Variants in C17orf75 observed in about 807,000 individuals in gnomAD.
The protein encoded by C17orf75 is chromosome 17 open reading frame 75.
In C17orf75, 32 loss-of-function variants were observed where a neutral mutation model predicts 49.6. The observed-to-expected ratio is 0.65, with a 90% CI of 0.49 to 0.87. The LOEUF (loss-of-function observed/expected upper bound fraction) is 0.87. Ranked by LOEUF, C17orf75 falls within the 40% of genes least tolerant of loss-of-function variation. The pLI is 0.00. For missense variants in C17orf75, 428 were observed against 473.9 expected (o/e 0.90, Z 0.90); for synonymous variants, 158 against 159.5 (o/e 0.99, Z 0.07).
chr17:32,331,712 A>G lies in C17orf75; in HGVS notation c.*51T>C. The G allele has an allele frequency of 1.4e-6, 2 of 1,434,886 alleles. No homozygotes were observed. Among genetic ancestry groups the G allele is most frequent in the Non-Finnish European group, 2.0e-6 (2 of 1,021,374 alleles). 88.9% of individuals were successfully genotyped at this position (1,434,886 alleles called of 1,614,324 possible). A position where few individuals can be genotyped will look rare whatever the true frequency, so the allele number is the denominator to read the frequency against. ...AACAATTATAACTGCAATTTCAAAC[A>G]CTAAGACTTAAATATACAACTTGAT... On this transcript the variant is annotated 3_prime_UTR_variant, in exon 10 of 10. Coordinates refer to ENST00000577809, the MANE Select transcript of C17orf75 (RefSeq NM_022344.4).
rs774272514 is a variant in C17orf75 at position 32,338,286 on chromosome 17, G to C, written c.413C>G (p.Thr138Arg). ...GTTACGTTCAGAGTCTATCGTTACT[G>C]TTTCAGGAAGCAGTTTTTCATTTTG... ...LFQNEKLLPE[T>R]VTIDSERNPS... is the part of the protein sequence containing the mutation. Residue 138 changes from threonine (T) to arginine (R), a missense_variant, in exon 4 of 10, where the codon ACA becomes AGA. Physicochemically the swap from Thr to Arg is moderately conservative, Grantham distance 71 (BLOSUM62 -1). Transcript: ENST00000577809. 1 of 1,612,328 alleles carries C rather than the reference G, an allele frequency of 6.2e-7. No homozygotes were observed. Among genetic ancestry groups the C allele is most frequent in the Non-Finnish European group, 8.5e-7 (1 of 1,179,446 alleles).
chr17:32,345,149 T>G (rs2041415627), upstream of C17orf75, among the ~76,000 whole-genome samples: 1 of 152,066 alleles, frequency 6.6e-6, no homozygotes, highest in African/African-American at 2.4e-5. Flanking sequence ...ACGTCTTTAT[T>G]GTATTTTCAC....
At chr17:32,333,562 C>G in intron 8 of C17orf75, 42 bp from the exon 9 acceptor site, 1 of 1,499,202 alleles carries the variant, frequency 6.7e-7, no homozygotes, top group South Asian at 1.2e-5. Flanking sequence ...TGAAATTTTA[C>G]AAAGCTTTAT....
upstream of C17orf75, chr17:32,343,976 A>G (rs999433706): frequency 2.9e-6 from 2 of 683,606 alleles, no homozygotes; most frequent in African/African-American, 1.8e-5. Flanking sequence ...ATCGGGGTTC[A>G]TATACAAATT....
intron 5 of C17orf75, 44 bp downstream of exon 5, chr17:32,337,853 G>A (rs1377361078): frequency 6.5e-7 from 1 of 1,550,066 alleles, no homozygotes; most frequent in Non-Finnish European, 8.8e-7. Flanking sequence ...CACTGAGCCT[G>A]GCCCCATTTC....
intron 1 of C17orf75, among the ~76,000 whole-genome samples, chr17:32,348,469 AAAT>A (rs1169079268): frequency 6.6e-6 from 1 of 152,222 alleles, no homozygotes; most frequent in Non-Finnish European, 1.5e-5. Flanking sequence ...AGGCTGAGAC[AAAT>A]AATGTTAAAA....
rs2095888690 is a variant in C17orf75, at chr17:32,333,398, C to A, written c.975+19G>T. The A allele has an allele frequency of 1.9e-6, 3 of 1,569,226 alleles. No homozygotes were observed. The highest frequency in any genetic ancestry group is 2.6e-6 in the Non-Finnish European group (3 of 1,151,368). ...GACAAAAATTTCATGTGGCACTTGG[C>A]ACACAGCCAACTAATTACCTTTAGT... On this transcript the variant is annotated intron_variant, in intron 9 of 9. Transcript: ENST00000577809.
At chr17:32,349,981 T>TC in exon 1 of C17orf75, 1 of 1,243,512 alleles carries the variant, frequency 8.0e-7, no homozygotes, top group South Asian at 2.0e-5. Flanking sequence ...CCCAAAGTGC[T>TC]CCGCAAGCAC....
At chr17:32,332,921 T>C (rs903542861) in intron 9 of C17orf75, among the ~76,000 whole-genome samples, 3 of 152,166 alleles carry the variant, frequency 2.0e-5, no homozygotes, top group African/African-American at 7.2e-5. Flanking sequence ...GCAATTTTCG[T>C]GCCTCAGCCA....
At chr17:32,338,149 T>A in intron 4 of C17orf75, 59 bp downstream of exon 4, 18 of 1,589,168 alleles carry the variant, frequency 1.1e-5, no homozygotes, top group Non-Finnish European at 1.5e-5. Context: ...AGTAATATTC[T>A]TCCACCTGCC....
chr17:32,338,079 C>T, intron 4 of C17orf75, 125 bp from the exon 5 acceptor site: 1 of 1,513,452 alleles, frequency 6.6e-7, no homozygotes, highest in Non-Finnish European at 9.1e-7. Context: ...AAAATGGCCA[C>T]ATGAAGGTAT....
chr17:32,347,202 C>T (rs1263527553), upstream of C17orf75, among the ~76,000 whole-genome samples: 1 of 152,198 alleles, frequency 6.6e-6, no homozygotes, highest in African/African-American at 2.4e-5. Flanking sequence ...CTCAGGTGAT[C>T]AACCCACATC....
At position 32,342,147 on chromosome 17, in the gene C17orf75, G is replaced by C; in HGVS notation, c.-8C>G. The C allele has an allele frequency of 6.3e-7, 1 of 1,591,914 alleles. No homozygotes were observed. Among genetic ancestry groups the C allele is most frequent in the Non-Finnish European group, 8.5e-7 (1 of 1,170,662 alleles). ...CTGCAAAGAGGGGAGCATTGCGGCG[G>C]CCTCTGAGCGGCCCTGTGTCTCCGC... is the stretch of plus-strand genomic sequence containing the variant. On this transcript the variant is annotated 5_prime_UTR_variant, in exon 1 of 10. Coordinates refer to ENST00000577809, the MANE Select transcript of C17orf75 (RefSeq NM_022344.4).
rs202086475 is a variant in C17orf75, at chr17:32,341,240, C to A, written c.185G>T (p.Gly62Val). 1.2e-6 allele frequency: 2 copies of A among 1,613,912 alleles called. No individual in the cohort carries two copies. The highest frequency in any genetic ancestry group is 1.1e-5 in the South Asian group (1 of 91,080). ...ACCAGAGGGAGTTTCTGCATTTGTG[C>A]CACTTGGGCTTCCGTCCTCACTGTC... is the stretch of plus-strand genomic sequence containing the variant. ...RGDSEDGSPS[G>V]TNAETPSGDD... Residue 62 changes from glycine to valine, a missense_variant, in exon 2 of 10, where the codon GGC (glycine) becomes GTC (valine). Transcript: ENST00000577809.
At chr17:32,341,795 G>A (rs2041381881) in intron 1 of C17orf75, 1 of 1,055,486 alleles carries the variant, frequency 9.5e-7, no homozygotes, top group Non-Finnish European at 1.1e-6. Context: ...GTTGGGCCAG[G>A]CATACAAGTC....
In C17orf75 at chr17:32,331,987, T is replaced by A. The variant is rs1019152; in HGVS notation, c.976-9A>T. 0.78 allele frequency: 1,240,313 copies of A among 1,598,018 alleles called. 483,249 individuals carry two copies. Among genetic ancestry groups the A allele is most frequent in the African/African-American group, 0.95 (70,921 of 74,526 alleles). ...TTTGTGTCTTGTATGGCCTAGAAAA[T>A]GATTACCCAGTTAAAAATGTGTTAA... is the stretch of plus-strand genomic sequence containing the variant. On this transcript the variant is annotated splice_polypyrimidine_tract_variant and intron_variant, in intron 9 of 9. Coordinates refer to ENST00000577809, the MANE Select transcript of C17orf75 (RefSeq NM_022344.4).
intron 1 of C17orf75, among the ~76,000 whole-genome samples, chr17:32,347,620 C>T (rs941442935): frequency 6.6e-6 from 1 of 152,036 alleles, no homozygotes; most frequent in Non-Finnish European, 1.5e-5. Flanking sequence ...ATTTGGAAAT[C>T]CAAGATCAAG....
rs1448066517 is a variant in C17orf75, at chr17:32,338,279, C to T, written c.420G>A (p.Thr140=). The change falls in exon 4 of 10, where the codon ACG becomes ACA. Residue 140 remains threonine, a synonymous_variant. Transcript: ENST00000577809. The stretch of plus-strand genomic sequence containing the variant: ...CTGAAGGGTTACGTTCAGAGTCTAT[C>T]GTTACTGTTTCAGGAAGCAGTTTTT... ...QNEKLLPETV[T]IDSERNPSEY... 4.3e-6 allele frequency: 7 copies of T among 1,612,666 alleles called. No individual in the cohort carries two copies. The highest frequency in any genetic ancestry group is 1.7e-5 in the Admixed American group (1 of 59,734).
chr17:32,343,571 A>C (rs2041400700), upstream of C17orf75: 2 of 366,910 alleles, frequency 5.5e-6, no homozygotes, highest in Non-Finnish European at 9.8e-6. Flanking sequence ...CTCCATATCA[A>C]AGTGGATAGC....
Sources: allele counts gnomAD v4.1 joint callset (sites outside exome capture counted in the v4.1 genomes callset), GRCh38; gene constraint gnomAD v4.1.1; transcripts MANE v1.5; gene names NCBI Gene and HGNC (gene_info 2026-07-23, HGNC 2026-07-21).